The following PEX13 variants were observed in gnomAD, a reference collection of about 807,000 sequenced individuals.
The protein encoded by PEX13 is peroxisome biogenesis factor 13.
PEX13 carries 28 observed loss-of-function variants against 34.5 expected under a neutral mutation model. That is an observed-to-expected ratio of 0.81 (90% confidence interval 0.60 to 1.11). The LOEUF (loss-of-function observed/expected upper bound fraction) is 1.11. PEX13 is among the 50% of genes most tolerant of loss of function. The probability of loss-of-function intolerance (pLI) is 0.00; values close to 1 mark genes in which losing one functional copy is unlikely to be tolerated. For synonymous variants in PEX13, 177 were observed against 175.1 expected, an observed-to-expected ratio of 1.01 and a Z score of -0.09; for missense variants, 550 against 491.0, an observed-to-expected ratio of 1.12 and a Z score of -1.13.
chr2:61,024,885 A>G (rs1025878017), intron 1 of PEX13, among the ~76,000 whole-genome samples: 3 of 152,218 alleles, frequency 2.0e-5, no homozygotes, highest in African/African-American at 7.2e-5. Flanking sequence ...TTTTAGTTGT[A>G]GAATCTTCAT....
intron 3 of PEX13, among the ~76,000 whole-genome samples, chr2:61,046,833 C>T (rs1430274891): frequency 1.3e-5 from 2 of 151,976 alleles, no homozygotes; most frequent in East Asian, 3.9e-4. Context: ...TCATTTTTTG[C>T]AGGGAAGAAA....
At position 61,050,854 on chromosome 2, in the gene PEX13, C is replaced by G. The variant is rs1439170692; in HGVS notation, c.*2084C>G. On this transcript the variant is annotated 3_prime_UTR_variant, in exon 4 of 4. Transcript: ENST00000295030. ...CCCAGGATGGTCTCCATCTCCTGACCTCGTGATGAGCCCGCTTCGGTCTCC... is the reference window on the plus strand; with the variant it reads ...CCCAGGATGGTCTCCATCTCCTGACGTCGTGATGAGCCCGCTTCGGTCTCC... The G allele has an allele frequency of 6.6e-6, 1 of 152,318 alleles. No homozygotes were observed. Among genetic ancestry groups the G allele is most frequent in the Admixed American group, 6.5e-5 (1 of 15,280 alleles). The allele number at this position is 152,318 out of a possible 1,614,324, so 9.4% of individuals were successfully genotyped here. A position where few individuals can be genotyped will look rare whatever the true frequency, so the allele number is the denominator to read the frequency against.
chr2:61,041,324 G>A (rs764510989), intron 2 of PEX13, among the ~76,000 whole-genome samples: 3 of 152,120 alleles, frequency 2.0e-5, no homozygotes, highest in Admixed American at 6.6e-5. Context: ...GCAAGACCCC[G>A]TCTCAAAATA....
intron 2 of PEX13, among the ~76,000 whole-genome samples, chr2:61,032,657 T>G (rs1376714497): frequency 6.6e-6 from 1 of 152,242 alleles, no homozygotes; most frequent in Admixed American, 6.5e-5. Context: ...AAGGCAGAAC[T>G]ATAAACAAAA....
In PEX13 at chr2:61,023,732, CT is replaced by C. The variant is rs375431867; in HGVS notation, c.92+5897del. 4.9e-3 allele frequency among the ~76,000 whole-genome samples: 633 copies of C among 130,158 alleles called. 2 individuals carry two copies. Among genetic ancestry groups the C allele is most frequent in the Non-Finnish European group, 6.5e-3 (399 of 61,682 alleles). The allele number at this position is 130,158 out of a possible 152,430, so 85.4% of individuals were successfully genotyped here. On this transcript the variant is annotated intron_variant, in intron 1 of 3. Coordinates refer to ENST00000295030, the MANE Select transcript of PEX13 (RefSeq NM_002618.4). Reference sequence around the variant, plus strand: ...AAGGGACCTAAGTTTTTCCTGACTTCTTTTTTTTTTTTTTTTGTCAGCTCTC... The same window carrying C: ...AAGGGACCTAAGTTTTTCCTGACTTCTTTTTTTTTTTTTTTGTCAGCTCTC...
At chr2:61,034,343 A>G (rs970977768) in intron 2 of PEX13, among the ~76,000 whole-genome samples, 8 of 152,210 alleles carry the variant, frequency 5.3e-5, no homozygotes, top group African/African-American at 1.9e-4. Flanking sequence ...GTCGCTTCCA[A>G]GATAGCCAAA....
chr2:61,034,883 G>A (rs1255439968), intron 2 of PEX13, among the ~76,000 whole-genome samples: 1 of 152,258 alleles, frequency 6.6e-6, no homozygotes, highest in African/African-American at 2.4e-5. Flanking sequence ...CCACCTCTGT[G>A]GGCAGGGCAT....
At chr2:61,043,045 CTT>C (rs1404046976) in intron 2 of PEX13, among the ~76,000 whole-genome samples, 2 of 152,170 alleles carry the variant, frequency 1.3e-5, no homozygotes, top group Non-Finnish European at 2.9e-5. Context: ...CGCATGCACT[CTT>C]TTGCCATGTG....
intron 2 of PEX13, among the ~76,000 whole-genome samples, chr2:61,044,569 A>G (rs1162028100): frequency 6.6e-6 from 1 of 152,096 alleles, no homozygotes; most frequent in East Asian, 1.9e-4. Flanking sequence ...TATTTTTAGT[A>G]GTAATGGAGT....
intron 1 of PEX13, among the ~76,000 whole-genome samples, chr2:61,021,913 C>T (rs910819584): frequency 1.3e-5 from 2 of 152,162 alleles, no homozygotes; most frequent in African/African-American, 2.4e-5. Context: ...CAGCAAACTC[C>T]AACAGACCTG....
intron 1 of PEX13, among the ~76,000 whole-genome samples, chr2:61,020,745 C>G (rs982954837): frequency 3.3e-5 from 5 of 152,122 alleles, no homozygotes; most frequent in Non-Finnish European, 4.4e-5. Flanking sequence ...ACCTCTACCT[C>G]CTGGGTTCAA....
intron 2 of PEX13, among the ~76,000 whole-genome samples, chr2:61,045,086 T>G (rs1680685309): frequency 6.6e-6 from 1 of 152,224 alleles, no homozygotes; most frequent in Admixed American, 6.5e-5. Context: ...CAGAATTATA[T>G]TCTGGCCTAT....
At chr2:61,042,768 CA>C (rs1265192431) in intron 2 of PEX13, among the ~76,000 whole-genome samples, 3 of 151,502 alleles carry the variant, frequency 2.0e-5, no homozygotes, top group Admixed American at 2.0e-4. Context: ...TTGCAACAGC[CA>C]AAAAAAATAT....
At chr2:61,028,493 G>A (rs985033167) in intron 1 of PEX13, among the ~76,000 whole-genome samples, 7 of 151,482 alleles carry the variant, frequency 4.6e-5, no homozygotes, top group African/African-American at 1.2e-4. Context: ...GGGTTCAAGC[G>A]ATTCTCCCTC....
intron 1 of PEX13, among the ~76,000 whole-genome samples, chr2:61,026,180 T>G (rs1680350941): frequency 1.3e-5 from 2 of 152,020 alleles, no homozygotes; most frequent in African/African-American, 4.8e-5. Flanking sequence ...CCTTCCCTTC[T>G]AGTTCATTGG....
chr2:61,045,194 A>G (rs1680686882), intron 2 of PEX13, among the ~76,000 whole-genome samples: 1 of 152,262 alleles, frequency 6.6e-6, no homozygotes, highest in African/African-American at 2.4e-5. Context: ...GGCATTTTCA[A>G]AAATGCAGTA....
chr2:61,041,475 A>G (rs1335233401), intron 2 of PEX13, among the ~76,000 whole-genome samples: 1 of 152,218 alleles, frequency 6.6e-6, no homozygotes, highest in African/African-American at 2.4e-5. Flanking sequence ...GAGTGGAAGG[A>G]TGATGAATGA....
rs1680779088 is a variant in PEX13, at chr2:61,050,513, G to A, written c.*1743G>A. 6.6e-6 allele frequency: 1 copy of A among 152,304 alleles called. No individual in the cohort carries two copies. Among genetic ancestry groups the A allele is most frequent in the African/African-American group, 2.4e-5 (1 of 41,432 alleles). 9.4% of individuals were successfully genotyped at this position (152,304 alleles called of 1,614,324 possible). On this transcript the variant is annotated 3_prime_UTR_variant, in exon 4 of 4. Coordinates refer to ENST00000295030, the MANE Select transcript of PEX13 (RefSeq NM_002618.4). ...TTGGAAACTTCATATACTTGGCTAC[G>A]AACATACTACAGAGTAATACTATCA...
In PEX13 at chr2:61,050,136, G is replaced by A. The variant is rs1024094440; in HGVS notation, c.*1366G>A. Reference sequence around the variant, plus strand: ...CATGCCTTTAATCTCAGCACTTTGGGAGGCCAAGGCGGGCGGATCACCTGC... The same window carrying A: ...CATGCCTTTAATCTCAGCACTTTGGAAGGCCAAGGCGGGCGGATCACCTGC... On this transcript the variant is annotated 3_prime_UTR_variant, in exon 4 of 4. Coordinates refer to ENST00000295030, the MANE Select transcript of PEX13 (RefSeq NM_002618.4). The A allele has an allele frequency of 6.6e-6, 1 of 152,190 alleles. No homozygotes were observed. The highest frequency in any genetic ancestry group is 2.4e-5 in the African/African-American group (1 of 41,366). The allele number at this position is 152,190 out of a possible 1,614,324, so 9.4% of individuals were successfully genotyped here.
Sources: allele counts gnomAD v4.1 joint callset (sites outside exome capture counted in the v4.1 genomes callset), GRCh38; gene constraint gnomAD v4.1.1; transcripts MANE v1.5; gene names NCBI Gene and HGNC (gene_info 2026-07-23, HGNC 2026-07-21).